The following ADAMTS3 variants were observed in gnomAD, a reference collection of about 807,000 sequenced individuals.
The protein encoded by ADAMTS3 is A disintegrin and metalloproteinase with thrombospondin motifs 3.
Under a neutral mutation model 129.0 loss-of-function variants are expected in ADAMTS3, and 73 were observed. The ratio of observed to expected loss-of-function variants is 0.57; its 90% CI spans 0.47 to 0.69. The LOEUF (loss-of-function observed/expected upper bound fraction) is 0.69, where lower values mean the gene tolerates loss of function less well. Among genes scored for constraint, ADAMTS3 ranks in the 30% least tolerant of loss-of-function variants. ADAMTS3 has a pLI of 0.00. For missense variants in ADAMTS3, 1,457 were observed against 1,514.5 expected, an observed-to-expected ratio of 0.96 and a Z score of 0.63; for synonymous variants, 477 against 510.8, an observed-to-expected ratio of 0.93 and a Z score of 0.89.
At chr4:72,483,926 G>A (rs1007751659) in intron 3 of ADAMTS3, among the ~76,000 whole-genome samples, 2 of 152,144 alleles carry the variant, frequency 1.3e-5, no homozygotes, top group Non-Finnish European at 2.9e-5. Flanking sequence ...GCTGAGGCAG[G>A]AGAATGGCGT....
chr4:72,401,100 A>G (rs2109908532), intron 4 of ADAMTS3, among the ~76,000 whole-genome samples: 1 of 151,986 alleles, frequency 6.6e-6, no homozygotes, highest in East Asian at 2.0e-4. Context: ...CACTAGTCAC[A>G]TCTCAATAGC....
chr4:72,309,364 A>G, intron 15 of ADAMTS3, 33 bp downstream of exon 15: 1 of 1,605,652 alleles, frequency 6.2e-7, no homozygotes, highest in South Asian at 1.1e-5. Flanking sequence ...ATCACAGAGA[A>G]GAATACTAAA....
At chr4:72,480,023 A>G (rs1226791536) in intron 3 of ADAMTS3, among the ~76,000 whole-genome samples, 2 of 150,566 alleles carry the variant, frequency 1.3e-5, no homozygotes, top group African/African-American at 4.9e-5. Context: ...TAGAATGGCA[A>G]TCATTAAAAA....
chr4:72,510,369 A>C (rs1578746228), intron 3 of ADAMTS3, among the ~76,000 whole-genome samples: 1 of 152,098 alleles, frequency 6.6e-6, no homozygotes, highest in African/African-American at 2.4e-5. Context: ...TATATTTGGA[A>C]AAACCTAAAC....
chr4:72,455,402 C>G (rs1348726341), intron 3 of ADAMTS3, among the ~76,000 whole-genome samples: 1 of 151,450 alleles, frequency 6.6e-6, no homozygotes, highest in Non-Finnish European at 1.5e-5. Flanking sequence ...CATGTTCTCA[C>G]TGGTATGTGG....
intron 3 of ADAMTS3, among the ~76,000 whole-genome samples, chr4:72,467,764 T>C (rs2109990327): frequency 6.6e-6 from 1 of 152,136 alleles, no homozygotes; most frequent in African/African-American, 2.4e-5. Flanking sequence ...TTTGCATCAC[T>C]TTACTAGGCC....
chr4:72,478,310 C>T (rs1379706469), intron 3 of ADAMTS3, among the ~76,000 whole-genome samples: 4 of 151,296 alleles, frequency 2.6e-5, no homozygotes, highest in Admixed American at 6.6e-5. Flanking sequence ...ACTGGCAAAA[C>T]GAATCCAGCA....
At chr4:72,321,622 A>G (rs2109809758) in intron 6 of ADAMTS3, among the ~76,000 whole-genome samples, 1 of 152,352 alleles carries the variant, frequency 6.6e-6, no homozygotes, top group East Asian at 1.9e-4. Flanking sequence ...ATGTGAAGGT[A>G]TAAAATCTTA....
At chr4:72,477,428 C>T (rs1475476845) in intron 3 of ADAMTS3, among the ~76,000 whole-genome samples, 2 of 152,106 alleles carry the variant, frequency 1.3e-5, no homozygotes, top group Admixed American at 6.6e-5. Context: ...GAACAACCTG[C>T]TCCTGAATGA....
At chr4:72,469,194 T>C (rs1192515710) in intron 3 of ADAMTS3, among the ~76,000 whole-genome samples, 2 of 152,114 alleles carry the variant, frequency 1.3e-5, no homozygotes, top group African/African-American at 4.8e-5. Context: ...TTCAGAAATA[T>C]GTTTAGAAGA....
At chr4:72,286,443 C>G (rs1294831974) in intron 21 of ADAMTS3, among the ~76,000 whole-genome samples, 1 of 152,100 alleles carries the variant, frequency 6.6e-6, no homozygotes, top group African/African-American at 2.4e-5. Context: ...TATGTTCTTG[C>G]TATAATATAT....
chr4:72,528,521 T>TAAAAAA (rs11324929), intron 3 of ADAMTS3, among the ~76,000 whole-genome samples: 5 of 89,680 alleles, frequency 5.6e-5, no homozygotes, highest in Non-Finnish European at 5.6e-5. Flanking sequence ...AAGTGAAAAC[T>TAAAAAA]AAAAAAAAAA....
chr4:72,488,661 CA>C (rs1387458736), intron 3 of ADAMTS3, among the ~76,000 whole-genome samples: 6 of 151,788 alleles, frequency 4.0e-5, no homozygotes, highest in Admixed American at 6.6e-5. Flanking sequence ...TTATAATTGA[CA>C]AATATTACAT....
At chr4:72,551,402 A>C (rs1487083488) in intron 2 of ADAMTS3, among the ~76,000 whole-genome samples, 3 of 152,202 alleles carry the variant, frequency 2.0e-5, no homozygotes, top group African/African-American at 7.2e-5. Context: ...TTTTTATTCA[A>C]AATATGAATG....
intron 3 of ADAMTS3, chr4:72,442,325 T>G (rs1208163212): frequency 6.6e-6 from 1 of 151,824 alleles, no homozygotes; most frequent in African/African-American, 2.4e-5. Flanking sequence ...AAGAGGTTTA[T>G]TTGTCCTGCA....
intron 18 of ADAMTS3, among the ~76,000 whole-genome samples, 153 bp from the exon 19 acceptor site, chr4:72,295,939 C>T (rs929580282): frequency 6.6e-6 from 1 of 151,834 alleles, no homozygotes; most frequent in Non-Finnish European, 1.5e-5. Flanking sequence ...GCTGAAGGTC[C>T]CAAAGAACAT....
chr4:72,291,417 C>G (rs1718664524), intron 19 of ADAMTS3, among the ~76,000 whole-genome samples: 1 of 132,052 alleles, frequency 7.6e-6, no homozygotes, highest in Admixed American at 8.2e-5. Flanking sequence ...CACCCCACAA[C>G]AGTCCCCAGA....
At chr4:72,294,008 T>C (rs1349316637) in intron 19 of ADAMTS3, among the ~76,000 whole-genome samples, 2 of 152,034 alleles carry the variant, frequency 1.3e-5, no homozygotes, top group Non-Finnish European at 2.9e-5. Context: ...AAGCTACTAA[T>C]GTCCCAGAAA....
chr4:72,466,115 C>T (rs957066372), intron 3 of ADAMTS3, among the ~76,000 whole-genome samples: 1 of 152,060 alleles, frequency 6.6e-6, no homozygotes, highest in Non-Finnish European at 1.5e-5. Context: ...TGTGATAATG[C>T]AAGATGCCAT....
Sources: gnomAD v4.1 joint callset for allele counts (sites outside exome capture counted in the v4.1 genomes callset) on GRCh38, gnomAD v4.1.1 for gene constraint, MANE v1.5 for transcripts, NCBI Gene and HGNC (gene_info 2026-07-23, HGNC 2026-07-21) for gene names.